The following EPB41L1 variants were observed in gnomAD, a reference collection of about 807,000 sequenced individuals.
EPB41L1 encodes the protein band 4.1-like protein 1.
EPB41L1 carries 29 observed loss-of-function variants against 97.8 expected under a neutral mutation model. The ratio of observed to expected loss-of-function variants is 0.30; its 90% CI spans 0.22 to 0.40. EPB41L1 has a LOEUF of 0.40. EPB41L1 is among the 10% of genes least tolerant of loss of function. The pLI is 1.00. For synonymous variants in EPB41L1, 383 were observed against 459.2 expected (o/e 0.83, Z 2.12); for missense variants, 812 against 1,162.3 (o/e 0.70, Z 4.38).
chr20:36,176,811 T>C (rs1401897948), intron 3 of EPB41L1, among the ~76,000 whole-genome samples: 1 of 151,986 alleles, frequency 6.6e-6, no homozygotes, highest in East Asian at 1.9e-4. Context: ...TTTGTATTTT[T>C]AGTAGAGACA....
intron 7 of EPB41L1, among the ~76,000 whole-genome samples, chr20:36,186,749 G>T (rs1362682507): frequency 6.6e-6 from 1 of 152,188 alleles, no homozygotes; most frequent in Non-Finnish European, 1.5e-5. Flanking sequence ...AGATCAATAT[G>T]GGCTGGAGAA....
chr20:36,124,195 C>T (rs2058868119), intron 2 of EPB41L1, among the ~76,000 whole-genome samples: 1 of 152,138 alleles, frequency 6.6e-6, no homozygotes, highest in Non-Finnish European at 1.5e-5. Context: ...GCAGAGCTTG[C>T]AGTGAGCCGA....
intron 11 of EPB41L1, among the ~76,000 whole-genome samples, chr20:36,193,589 T>C (rs2062056326): frequency 6.6e-6 from 1 of 152,214 alleles, no homozygotes; most frequent in South Asian, 2.1e-4. Flanking sequence ...GAAAAGCATT[T>C]TGGAATACCA....
rs771833154 is a variant in EPB41L1 at position 36,188,631 on chromosome 20, CACACACACACAG to C, written c.1026+134_1026+145del. ...ACACACACACACACACACACACACA[CACACACACACAG>C]AGAGAGAGAGAGAGAGAGAGAGAGA... On this transcript the variant is annotated intron_variant, in intron 9 of 21. Coordinates refer to ENST00000338074, the MANE Select transcript of EPB41L1 (RefSeq NM_012156.2). 167 of 639,966 alleles carry C rather than the reference CACACACACACAG, an allele frequency of 2.6e-4. 1 individual carries two copies. The East Asian group carries it at 3.9e-3, about 15-fold the overall frequency. The allele number at this position is 639,966 out of a possible 1,614,324, so 39.6% of individuals were successfully genotyped here.
At chr20:36,165,526 C>T (rs563538141) in intron 1 of EPB41L1, among the ~76,000 whole-genome samples, 66 of 152,010 alleles carry the variant, frequency 4.3e-4, no homozygotes, top group Non-Finnish European at 5.9e-4. Context: ...TGGTGAAACC[C>T]TGTCTCTACT....
chr20:36,223,948 C>T (rs929782034), intron 21 of EPB41L1, among the ~76,000 whole-genome samples: 1 of 152,130 alleles, frequency 6.6e-6, no homozygotes, highest in Non-Finnish European at 1.5e-5. Flanking sequence ...TCCTTTTTGC[C>T]CTTTTCCTTG....
intron 9 of EPB41L1, among the ~76,000 whole-genome samples, chr20:36,188,892 A>T (rs1027608117): frequency 6.6e-6 from 1 of 151,220 alleles, no homozygotes; most frequent in Non-Finnish European, 1.5e-5. Context: ...AAAAAAAAAA[A>T]GGGAGAAAAA....
chr20:36,226,713 C>T (rs1360404263), intron 21 of EPB41L1, among the ~76,000 whole-genome samples: 1 of 152,154 alleles, frequency 6.6e-6, no homozygotes, highest in African/African-American at 2.4e-5. Context: ...AATAGGCTAA[C>T]AAAATGCTGC....
chr20:36,127,897 A>G (rs1268079795), intron 2 of EPB41L1, among the ~76,000 whole-genome samples: 1 of 152,032 alleles, frequency 6.6e-6, no homozygotes, highest in Non-Finnish European at 1.5e-5. Flanking sequence ...TGTAGGAAAA[A>G]TTGTGCTCCC....
chr20:36,136,647 G>A (rs888743634), intron 2 of EPB41L1, among the ~76,000 whole-genome samples: 3 of 150,420 alleles, frequency 2.0e-5, no homozygotes, highest in Non-Finnish European at 4.4e-5. Context: ...GTACACAGGT[G>A]CAATCATAGC....
chr20:36,192,902 T>TGCCA (rs761492823), intron 11 of EPB41L1, among the ~76,000 whole-genome samples: 2 of 152,312 alleles, frequency 1.3e-5, no homozygotes, highest in Non-Finnish European at 2.9e-5. Context: ...CCTAGGAGTT[T>TGCCA]GCCAGGTGAT....
chr20:36,222,292 C>T lies in EPB41L1; in HGVS notation c.2535C>T (p.Ala845=). 10 of 1,614,122 alleles carry T rather than the reference C, an allele frequency of 6.2e-6. No homozygotes were observed. Among genetic ancestry groups the T allele is most frequent in the Non-Finnish European group, 7.6e-6 (9 of 1,179,968 alleles). Residue 845 remains alanine, a synonymous_variant, in exon 21 of 22, where the codon GCC becomes GCT. Transcript: ENST00000338074. The part of the protein sequence containing the change: ...DVDQDQALAL[A]IKEAKLQHPD... ...TTTACCACCAGGCCCTGGCTTTGGCCATCAAGGAGGCCAAACTGCAGCATC... is the reference window on the plus strand; with the variant it reads ...TTTACCACCAGGCCCTGGCTTTGGCTATCAAGGAGGCCAAACTGCAGCATC...
At chr20:36,113,165 G>C (rs1014251157) in intron 2 of EPB41L1, among the ~76,000 whole-genome samples, 27 of 152,158 alleles carry the variant, frequency 1.8e-4, no homozygotes, top group Non-Finnish European at 1.2e-4. Flanking sequence ...ACTGGCCCGG[G>C]GCGTGTCAAA....
At chr20:36,127,529 A>T (rs947444020) in intron 2 of EPB41L1, among the ~76,000 whole-genome samples, 1 of 152,190 alleles carries the variant, frequency 6.6e-6, no homozygotes, top group Admixed American at 6.5e-5. Flanking sequence ...GTCTTTCACT[A>T]ATCCTGGGCA....
At chr20:36,119,332 G>A (rs774644626) in intron 2 of EPB41L1, among the ~76,000 whole-genome samples, 1 of 152,228 alleles carries the variant, frequency 6.6e-6, no homozygotes, top group East Asian at 1.9e-4. Context: ...GCTGGGTGTG[G>A]TGGCTCACGC....
In EPB41L1 at chr20:36,218,893, C is replaced by G. The variant is rs764008099; in HGVS notation, c.2286C>G (p.Ser762=). The G allele has an allele frequency of 3.7e-6, 6 of 1,613,990 alleles. No homozygotes were observed. Among genetic ancestry groups the G allele is most frequent in the African/African-American group, 1.3e-5 (1 of 74,932 alleles). ...TTCCCCAGGAGAACAGTCTCAAGTC[C>G]GGGAAGGGGGCAGCTGCCATGATCC... ...ISTTMENSLK[S]GKGAAAMIPG... The change falls in exon 18 of 22, where the codon TCC becomes TCG. Residue 762 remains serine (S), a synonymous_variant. Coordinates refer to ENST00000338074, the MANE Select transcript of EPB41L1 (RefSeq NM_012156.2).
chr20:36,138,736 C>T (rs1445363298), intron 2 of EPB41L1, among the ~76,000 whole-genome samples: 1 of 152,202 alleles, frequency 6.6e-6, no homozygotes, highest in African/African-American at 2.4e-5. Flanking sequence ...GTTATTTGCT[C>T]AAAGTCTCAC....
intron 2 of EPB41L1, among the ~76,000 whole-genome samples, chr20:36,147,928 C>T (rs2059903237): frequency 6.6e-6 from 1 of 152,118 alleles, no homozygotes. Flanking sequence ...ATGTTCTGGC[C>T]TCAGGAATGT....
At chr20:36,229,247 CA>C in intron 21 of EPB41L1, 84 bp from the exon 22 acceptor site, 3 of 1,132,470 alleles carry the variant, frequency 2.6e-6, no homozygotes, top group Non-Finnish European at 3.9e-6. Flanking sequence ...AAACAAGTGA[CA>C]GAAGTTACTA....
Sources: allele counts gnomAD v4.1 joint callset (sites outside exome capture counted in the v4.1 genomes callset), GRCh38; gene constraint gnomAD v4.1.1; transcripts MANE v1.5; gene names NCBI Gene and HGNC (gene_info 2026-07-23, HGNC 2026-07-21).